CDH13: variants seen among roughly 807,000 people sequenced by gnomAD.
The protein encoded by CDH13 is cadherin-13.
CDH13 carries 24 observed loss-of-function variants against 63.8 expected under a neutral mutation model. The observed-to-expected ratio is 0.38, with a 90% CI of 0.27 to 0.53. CDH13 has a LOEUF of 0.53. CDH13 is among the 20% of genes least tolerant of loss of function. The pLI, the probability that CDH13 is intolerant of heterozygous loss-of-function variation, is 0.85. For missense variants in CDH13, 1,049 were observed against 903.1 expected (o/e 1.16, Z -2.07); for synonymous variants, 503 against 355.3 (o/e 1.42, Z -4.67).
intron 1 of CDH13, among the ~76,000 whole-genome samples, chr16:82,701,705 T>C (rs2150991989): frequency 6.6e-6 from 1 of 152,250 alleles, no homozygotes; most frequent in South Asian, 2.1e-4. Flanking sequence ...CCTCAGCATT[T>C]CCAGTGGAGA....
At chr16:83,075,919 G>C (rs967653220) in intron 3 of CDH13, among the ~76,000 whole-genome samples, 1 of 152,146 alleles carries the variant, frequency 6.6e-6, no homozygotes, top group African/African-American at 2.4e-5. Context: ...ACACATACGA[G>C]GAGCTACATT....
intron 3 of CDH13, among the ~76,000 whole-genome samples, chr16:83,108,570 C>G (rs1183993711): frequency 6.6e-6 from 1 of 152,198 alleles, no homozygotes; most frequent in African/African-American, 2.4e-5. Context: ...AGGCTCCACC[C>G]CATCCTCCCA....
chr16:82,831,061 C>T (rs767689565), intron 1 of CDH13, among the ~76,000 whole-genome samples: 3 of 152,086 alleles, frequency 2.0e-5, no homozygotes, highest in Non-Finnish European at 4.4e-5. Context: ...CTTCCCAATG[C>T]GTGGTCCATG....
rs941854002 is a variant in CDH13 at position 83,124,874 on chromosome 16, C to A, written c.367-511C>A. Among the ~76,000 whole-genome samples, 21 of 152,254 alleles carry A rather than the reference C, an allele frequency of 1.4e-4. No homozygotes were observed. The South Asian group carries it at 1.4e-3, about 11-fold the overall frequency. ...TAGTTCTGGATTCTCTGTTCTGTTC[C>A]ATTAATCTAGATTTATACCAGTACC... On this transcript the variant is annotated intron_variant, in intron 3 of 13. Transcript: ENST00000567109.
intron 1 of CDH13, among the ~76,000 whole-genome samples, chr16:82,673,500 G>A (rs1425848004): frequency 1.3e-5 from 2 of 152,158 alleles, no homozygotes; most frequent in Non-Finnish European, 2.9e-5. Flanking sequence ...TGATGAACAA[G>A]ATGGACACAA....
At chr16:83,213,676 C>T (rs915934087) in intron 4 of CDH13, among the ~76,000 whole-genome samples, 6 of 152,166 alleles carry the variant, frequency 3.9e-5, no homozygotes, top group African/African-American at 1.4e-4. Context: ...AAAGGACCTG[C>T]TCATCTCAGG....
At chr16:83,248,127 C>G (rs1050625872) in intron 5 of CDH13, among the ~76,000 whole-genome samples, 3 of 152,020 alleles carry the variant, frequency 2.0e-5, no homozygotes, top group African/African-American at 7.3e-5. Context: ...ATGTGAACAC[C>G]ACGGGAACCT....
intron 7 of CDH13, among the ~76,000 whole-genome samples, chr16:83,559,760 A>G (rs2150685422): frequency 6.6e-6 from 1 of 152,260 alleles, no homozygotes; most frequent in Non-Finnish European, 1.5e-5. Context: ...TGGCCAAGCA[A>G]CTTTCTTACT....
chr16:82,817,080 A>T (rs1216188857), intron 1 of CDH13, among the ~76,000 whole-genome samples: 1 of 152,102 alleles, frequency 6.6e-6, no homozygotes, highest in Admixed American at 6.5e-5. Flanking sequence ...CATTGGTCAG[A>T]TTGAGGCTAA....
chr16:82,973,296 T>C (rs543980252), intron 2 of CDH13, among the ~76,000 whole-genome samples: 124 of 152,324 alleles, frequency 8.1e-4, no homozygotes, highest in African/African-American at 3.0e-3. Flanking sequence ...TTGCCGTCCT[T>C]CTCCTTTGCT....
At position 83,103,243 on chromosome 16, in the gene CDH13, C is replaced by CTTTTTTTT. The variant is rs35812420; in HGVS notation, c.367-22128_367-22121dup. ...ACTGAGATTACAGGCGTTAACTGAA[C>CTTTTTTTT]TTTTTTTTTTTTTTTTTTTTTGAGA... is the stretch of plus-strand genomic sequence containing the variant. On this transcript the variant is annotated intron_variant, in intron 3 of 13. Coordinates refer to ENST00000567109, the MANE Select transcript of CDH13 (RefSeq NM_001257.5). Among the ~76,000 whole-genome samples, 501 of 91,178 alleles carry CTTTTTTTT rather than the reference C, an allele frequency of 5.5e-3. 9 individuals are homozygous for CTTTTTTTT. The highest frequency in any genetic ancestry group is 0.016 in the African/African-American group (377 of 24,040). The allele number at this position is 91,178 out of a possible 152,430, so 59.8% of individuals were successfully genotyped here.
In CDH13 at chr16:83,356,125, G is replaced by A. The variant is rs745494939; in HGVS notation, c.781+11119G>A. The stretch of plus-strand genomic sequence containing the variant: ...CCACTGTCCTTTAACTATTTCACCC[G>A]TGATGATGTTGCAAGTAATTCCAAA... On this transcript the variant is annotated intron_variant, in intron 6 of 13. Coordinates refer to ENST00000567109, the MANE Select transcript of CDH13 (RefSeq NM_001257.5). 2.6e-5 allele frequency among the ~76,000 whole-genome samples: 4 copies of A among 151,930 alleles called. 1 individual carries two copies. The highest frequency in any genetic ancestry group is 4.2e-4 in the South Asian group (2 of 4,806).
In CDH13 at chr16:82,644,411, AC is replaced by A. The variant is rs1316954425; in HGVS notation, c.45+17275del. Reference sequence around the variant, plus strand: ...GATTCTCAGGTCCCTTAACCATGGAACGTACTCCTGTCTGCCCTCACTCGTG... The same window carrying A: ...GATTCTCAGGTCCCTTAACCATGGAAGTACTCCTGTCTGCCCTCACTCGTG... On this transcript the variant is annotated intron_variant, in intron 1 of 13. Coordinates refer to ENST00000567109, the MANE Select transcript of CDH13 (RefSeq NM_001257.5). The surrounding 1 kb of genome is among the most constrained non-coding windows in gnomAD (Gnocchi z 5.7). Among the ~76,000 whole-genome samples, 1 of 152,012 alleles carries A rather than the reference AC, an allele frequency of 6.6e-6. No homozygotes were observed. Among genetic ancestry groups the A allele is most frequent in the African/African-American group, 2.4e-5 (1 of 41,380 alleles).
At chr16:82,831,129 G>A (rs570050720) in intron 1 of CDH13, among the ~76,000 whole-genome samples, 2 of 152,144 alleles carry the variant, frequency 1.3e-5, no homozygotes, top group East Asian at 1.9e-4. Flanking sequence ...CCTAGGCGCC[G>A]CACCAGACCT....
chr16:82,814,677 A>G (rs952881945), intron 1 of CDH13, among the ~76,000 whole-genome samples: 2 of 152,164 alleles, frequency 1.3e-5, no homozygotes, highest in African/African-American at 4.8e-5. Context: ...AAATGCGTAA[A>G]TATAAGTAAA....
At chr16:83,152,304 G>T (rs887430986) in intron 4 of CDH13, among the ~76,000 whole-genome samples, 1 of 152,166 alleles carries the variant, frequency 6.6e-6, no homozygotes, top group Non-Finnish European at 1.5e-5. Flanking sequence ...TAATAAGGTG[G>T]ATGTGGACTA....
At chr16:83,470,910 G>C (rs75060278) in intron 6 of CDH13, among the ~76,000 whole-genome samples, 3,814 of 152,250 alleles carry the variant, frequency 0.025, 162 homozygotes, top group African/African-American at 0.086. Context: ...GTGTAGGCAA[G>C]GCTGGTTCCT....
chr16:82,902,441 T>A (rs377728318), intron 2 of CDH13, among the ~76,000 whole-genome samples: 1 of 151,894 alleles, frequency 6.6e-6, no homozygotes, highest in African/African-American at 2.4e-5. Flanking sequence ...CCAGGATACA[T>A]TGGTCTTTGA....
chr16:83,629,667 C>G (rs1474969474), intron 8 of CDH13, among the ~76,000 whole-genome samples: 1 of 152,228 alleles, frequency 6.6e-6, no homozygotes, highest in Non-Finnish European at 1.5e-5. Flanking sequence ...ATTTATCACT[C>G]TGGGGACATA....
Sources: allele counts gnomAD v4.1 joint callset (sites outside exome capture counted in the v4.1 genomes callset), GRCh38; gene constraint gnomAD v4.1.1; non-coding constraint Gnocchi (gnomAD v3.1); transcripts MANE v1.5; gene names NCBI Gene and HGNC (gene_info 2026-07-23, HGNC 2026-07-21).